Variants in CDH4 observed in about 807,000 individuals in gnomAD.
CDH4 encodes cadherin-4.
CDH4 carries 33 observed loss-of-function variants against 86.0 expected under a neutral mutation model. The observed-to-expected ratio is 0.38, with a 90% CI of 0.29 to 0.51. The LOEUF is 0.51. Among genes scored for constraint, CDH4 ranks in the 20% least tolerant of loss-of-function variants. The probability of loss-of-function intolerance (pLI) is 0.86; values close to 1 mark genes in which losing one functional copy is unlikely to be tolerated. For synonymous variants in CDH4, 555 were observed against 549.4 expected (o/e 1.01, Z -0.14); for missense variants, 1,114 against 1,307.4 (o/e 0.85, Z 2.28).
At chr20:61,785,936 A>T (rs1356424543) in intron 4 of CDH4, among the ~76,000 whole-genome samples, 1 of 152,172 alleles carries the variant, frequency 6.6e-6, no homozygotes, top group African/African-American at 2.4e-5. Context: ...TCAGACTGAA[A>T]GTCTCTGGGA....
intron 2 of CDH4, among the ~76,000 whole-genome samples, chr20:61,693,304 A>G (rs1193581723): frequency 3.3e-5 from 5 of 152,226 alleles, no homozygotes; most frequent in African/African-American, 9.6e-5. Context: ...CTCCTTTCAC[A>G]GGCAGATTCT....
intron 2 of CDH4, among the ~76,000 whole-genome samples, chr20:61,353,055 G>C (rs965945042): frequency 1.3e-5 from 2 of 152,140 alleles, no homozygotes; most frequent in East Asian, 1.9e-4. Context: ...TCTTAGCTCC[G>C]CAGGTTTCTG....
intron 2 of CDH4, among the ~76,000 whole-genome samples, chr20:61,443,425 C>T (rs1161382416): frequency 1.3e-5 from 2 of 152,216 alleles, no homozygotes; most frequent in Non-Finnish European, 2.9e-5. Flanking sequence ...GCAGTGAAGA[C>T]ACTTCAAGGA....
At chr20:61,568,375 G>C (rs1333477659) in intron 2 of CDH4, among the ~76,000 whole-genome samples, 1 of 152,152 alleles carries the variant, frequency 6.6e-6, no homozygotes, top group Admixed American at 6.5e-5. Flanking sequence ...CATTCTCCTT[G>C]CTGCCGCCAT....
In CDH4 at chr20:61,923,619, C is replaced by A. The variant is rs1170788458; in HGVS notation, c.1543C>A (p.Arg515Ser). 4 of 1,613,988 alleles carry A rather than the reference C, an allele frequency of 2.5e-6. No homozygotes were observed. Among genetic ancestry groups the A allele is most frequent in the Admixed American group, 1.7e-5 (1 of 60,002 alleles). Residue 515 changes from arginine (R) to serine (S), a missense_variant, in exon 10 of 16, where the codon CGC becomes AGC. Physicochemically the swap from Arg to Ser is moderately radical, Grantham distance 110 (BLOSUM62 -1). Transcript: ENST00000614565. Reference protein sequence around the residue: ...PYFPSNHKLIRLEEGVPPGTV... With the variant: ...PYFPSNHKLISLEEGVPPGTV... ...CTTCCCCTCAAACCACAAGCTGATC[C>A]GCCTGGAGGAGGGCGTGCCCCCCGG... is the stretch of plus-strand genomic sequence containing the variant.
At chr20:61,871,788 A>G (rs1983814388) in intron 6 of CDH4, among the ~76,000 whole-genome samples, 1 of 152,222 alleles carries the variant, frequency 6.6e-6, no homozygotes, top group African/African-American at 2.4e-5. Flanking sequence ...AATCTGTTTG[A>G]TTGAACTATA....
intron 7 of CDH4, among the ~76,000 whole-genome samples, chr20:61,886,076 A>G (rs1368170754): frequency 6.6e-6 from 1 of 152,160 alleles, no homozygotes; most frequent in Non-Finnish European, 1.5e-5. Context: ...GACTCCTTTT[A>G]TACCCCCATA....
At chr20:61,689,053 C>T (rs8123405) in intron 2 of CDH4, among the ~76,000 whole-genome samples, 3,747 of 152,354 alleles carry the variant, frequency 0.025, 152 homozygotes, top group African/African-American at 0.086. Context: ...TACCATGTTC[C>T]ACTTTGGATG....
chr20:61,746,919 A>G (rs922128349), intron 3 of CDH4, among the ~76,000 whole-genome samples: 3 of 152,212 alleles, frequency 2.0e-5, no homozygotes, highest in African/African-American at 7.2e-5. Context: ...ATGCGCCCTT[A>G]CAGAGCGTGA....
chr20:61,839,512 T>C (rs1252366577), intron 4 of CDH4, among the ~76,000 whole-genome samples: 1 of 137,930 alleles, frequency 7.3e-6, no homozygotes, highest in African/African-American at 2.5e-5. Context: ...ATTTAGTGTG[T>C]GTTGTGTGTA....
At chr20:61,757,797 G>C (rs2088583460) in intron 3 of CDH4, among the ~76,000 whole-genome samples, 1 of 152,186 alleles carries the variant, frequency 6.6e-6, no homozygotes, top group Admixed American at 6.5e-5. Context: ...CGTGGAGGGA[G>C]GAGCGAGTGG....
At chr20:61,893,584 G>T (rs1168440668) in intron 7 of CDH4, among the ~76,000 whole-genome samples, 1 of 150,824 alleles carries the variant, frequency 6.6e-6, no homozygotes, top group African/African-American at 2.4e-5. Flanking sequence ...TGGGTAGGTG[G>T]GTGGATCGAT....
chr20:61,766,278 T>A (rs1462225948), intron 3 of CDH4, among the ~76,000 whole-genome samples: 2 of 152,014 alleles, frequency 1.3e-5, no homozygotes, highest in East Asian at 1.9e-4. Context: ...GGCCTCAGTT[T>A]CCCTTCCTGG....
At chr20:61,409,193 G>A (rs964802333) in intron 2 of CDH4, among the ~76,000 whole-genome samples, 20 of 152,158 alleles carry the variant, frequency 1.3e-4, no homozygotes, top group Non-Finnish European at 8.8e-5. Context: ...GCCTCACCAT[G>A]GGGAGCAGTG....
chr20:61,750,080 A>C (rs1463743573), intron 3 of CDH4, among the ~76,000 whole-genome samples: 2 of 152,188 alleles, frequency 1.3e-5, no homozygotes, highest in Non-Finnish European at 2.9e-5. Context: ...GCAGAAAATC[A>C]ACAATCCAGG....
At chr20:61,627,873 G>A (rs957301524) in intron 2 of CDH4, among the ~76,000 whole-genome samples, 5 of 152,004 alleles carry the variant, frequency 3.3e-5, no homozygotes, top group African/African-American at 7.2e-5. Flanking sequence ...CTTTTGTGTC[G>A]GTGTCCCCCA....
In CDH4 at chr20:61,684,302, C is replaced by G. The variant is rs945531074; in HGVS notation, c.170-59261C>G. Among the ~76,000 whole-genome samples, 1 of 152,132 alleles carries G rather than the reference C, an allele frequency of 6.6e-6. No individual in the cohort carries two copies. Among genetic ancestry groups the G allele is most frequent in the Admixed American group, 6.5e-5 (1 of 15,278 alleles). ...AGAGGGTGGCAAAGGGGCGACCATG[C>G]GACTGAGCCCTGTGGGAAGAGCAGG... On this transcript the variant is annotated intron_variant, in intron 2 of 15. Transcript: ENST00000614565. This position sits in a 1 kb window ranked among gnomAD's most constrained non-coding sequence, Gnocchi z 4.5.
chr20:61,677,456 TG>T (rs1195286546), intron 2 of CDH4, among the ~76,000 whole-genome samples: 1 of 152,242 alleles, frequency 6.6e-6, no homozygotes, highest in African/African-American at 2.4e-5. Context: ...TTTTTGTTAA[TG>T]TGTTATAGTT....
chr20:61,836,229 C>T (rs537273874), intron 4 of CDH4, among the ~76,000 whole-genome samples: 2 of 152,326 alleles, frequency 1.3e-5, no homozygotes, highest in South Asian at 2.1e-4. Flanking sequence ...ATGACGCCCC[C>T]GGAGTGAACT....
Sources: allele counts gnomAD v4.1 joint callset (sites outside exome capture counted in the v4.1 genomes callset), GRCh38; gene constraint gnomAD v4.1.1; non-coding constraint Gnocchi (gnomAD v3.1); transcripts MANE v1.5; gene names NCBI Gene and HGNC (gene_info 2026-07-23, HGNC 2026-07-21).